DLST: variants seen among roughly 807,000 people sequenced by gnomAD.
DLST encodes dihydrolipoamide S-succinyltransferase.
DLST carries 17 observed loss-of-function variants against 53.1 expected under a neutral mutation model. That is an observed-to-expected ratio of 0.32 (90% confidence interval 0.22 to 0.48). The LOEUF is 0.48. DLST is among the 20% of genes least tolerant of loss of function. DLST has a pLI of 0.99. For missense variants in DLST, 512 were observed against 583.9 expected (o/e 0.88, Z 1.27); for synonymous variants, 206 against 204.8 (o/e 1.01, Z -0.05).
chr14:74,895,151 C>A (rs1018950856), intron 10 of DLST, among the ~76,000 whole-genome samples: 1 of 152,126 alleles, frequency 6.6e-6, no homozygotes, highest in Non-Finnish European at 1.5e-5. Context: ...TGTTTGACCC[C>A]GTCACTTACA....
rs3207445 is a variant in DLST at position 74,902,407 on chromosome 14, G to A, written c.*77G>A. The A allele has an allele frequency of 2.3e-5, 34 of 1,488,220 alleles. No individual in the cohort carries two copies. Among genetic ancestry groups the A allele is most frequent in the Middle Eastern group, 2.6e-4 (1 of 3,910 alleles). 92.2% of individuals were successfully genotyped at this position (1,488,220 alleles called of 1,614,324 possible). A position where few individuals can be genotyped will look rare whatever the true frequency, so the allele number is the denominator to read the frequency against. On this transcript the variant is annotated 3_prime_UTR_variant, in exon 15 of 15. Coordinates refer to ENST00000334220, the MANE Select transcript of DLST (RefSeq NM_001933.5). ...TTCTCCCTGTCCCCTCATGGGTCCC[G>A]GGTTAGCCTGGTGACAGGCAGACAC...
chr14:74,898,038 G>T (rs1387201361), intron 10 of DLST, among the ~76,000 whole-genome samples: 1 of 151,026 alleles, frequency 6.6e-6, no homozygotes, highest in Non-Finnish European at 1.5e-5. Context: ...AGGATGGATA[G>T]CTCAGTTATT....
rs1410534317 is a variant in DLST at position 74,881,946 on chromosome 14, C to T, written c.-8C>T. On this transcript the variant is annotated 5_prime_UTR_variant, in exon 1 of 15. Coordinates refer to ENST00000334220, the MANE Select transcript of DLST (RefSeq NM_001933.5). Reference sequence around the variant, plus strand: ...CGGTGTCCGCCCGCCCTCGGCTCCTCCGCCGTGATGCTGTCCCGATCCCGC... The same window carrying T: ...CGGTGTCCGCCCGCCCTCGGCTCCTTCGCCGTGATGCTGTCCCGATCCCGC... 3 of 1,549,536 alleles carry T rather than the reference C, an allele frequency of 1.9e-6. No homozygotes were observed. Among genetic ancestry groups the T allele is most frequent in the Middle Eastern group, 3.5e-4 (2 of 5,666 alleles).
At chr14:74,892,723 C>T (rs1883951053) in intron 7 of DLST, 111 bp from the exon 8 acceptor site, 3 of 1,054,798 alleles carry the variant, frequency 2.8e-6, no homozygotes, top group South Asian at 3.1e-5. Flanking sequence ...ATTGCTGATA[C>T]CCAGTAGACA....
rs560688236 is a variant in DLST at position 74,888,599 on chromosome 14, C to T, written c.147-496C>T. ...GCATGTGCCTGTAGTCCCAGCTACCCGGGAGGCAGAGGTGGGAGGATCCCT... is the reference window on the plus strand; with the variant it reads ...GCATGTGCCTGTAGTCCCAGCTACCTGGGAGGCAGAGGTGGGAGGATCCCT... On this transcript the variant is annotated intron_variant, in intron 3 of 14. Coordinates refer to ENST00000334220, the MANE Select transcript of DLST (RefSeq NM_001933.5). Among the ~76,000 whole-genome samples the T allele has an allele frequency of 1.9e-4, 29 of 152,068 alleles. No individual in the cohort carries two copies. The South Asian group carries it at 4.8e-3, about 25-fold the overall frequency.
intron 9 of DLST, 90 bp downstream of exon 9, chr14:74,893,514 G>C: frequency 2.2e-6 from 3 of 1,390,898 alleles, no homozygotes; most frequent in Non-Finnish European, 3.1e-6. Flanking sequence ...ACCTTTGAAT[G>C]CCTGGCAGCT....
At position 74,902,651 on chromosome 14, in the gene DLST, T is replaced by C. The variant is rs1426114234; in HGVS notation, c.*321T>C. On this transcript the variant is annotated 3_prime_UTR_variant, in exon 15 of 15. Transcript: ENST00000334220. The stretch of plus-strand genomic sequence containing the variant: ...CAAAGATGATTTTGCTTTTCCCTAG[T>C]GCTGGTATACTATAGAGAAACCCCT... The C allele has an allele frequency of 9.9e-6, 2 of 202,468 alleles. No homozygotes were observed. Among genetic ancestry groups the C allele is most frequent in the Non-Finnish European group, 2.0e-5 (2 of 100,360 alleles). 12.5% of individuals were successfully genotyped at this position (202,468 alleles called of 1,614,324 possible). A position where few individuals can be genotyped will look rare whatever the true frequency, so the allele number is the denominator to read the frequency against.
intron 10 of DLST, among the ~76,000 whole-genome samples, chr14:74,895,510 C>G (rs757664669): frequency 2.0e-5 from 3 of 152,138 alleles, no homozygotes; most frequent in Non-Finnish European, 2.9e-5. Flanking sequence ...AATCCCAGAG[C>G]TTTGGGAGGG....
rs1303086971 is a variant in DLST at position 74,902,354 on chromosome 14, T to C, written c.*24T>C. 1.1e-5 allele frequency: 17 copies of C among 1,593,046 alleles called. No individual in the cohort carries two copies. Among genetic ancestry groups the C allele is most frequent in the African/African-American group, 8.1e-5 (6 of 74,472 alleles). ...AGGAGGAACCCACACACCCTACAAG[T>C]TGATCATGCAGGAACTGAAAACCAG... On this transcript the variant is annotated 3_prime_UTR_variant, in exon 15 of 15. Coordinates refer to ENST00000334220, the MANE Select transcript of DLST (RefSeq NM_001933.5).
intron 14 of DLST, among the ~76,000 whole-genome samples, 192 bp downstream of exon 14, chr14:74,901,425 T>C (rs1884242286): frequency 1.3e-5 from 2 of 152,246 alleles, no homozygotes; most frequent in South Asian, 4.1e-4. Context: ...GAAATGCATA[T>C]TCTTAGACCC....
intron 2 of DLST, among the ~76,000 whole-genome samples, chr14:74,883,294 CAAAAA>C (rs35879783): frequency 1.5e-5 from 1 of 67,272 alleles, no homozygotes. Context: ...GACTCCATCT[CAAAAA>C]AAAAAAAAAA....
rs1232755338 is a variant in DLST, at chr14:74,902,794, T to A, written c.*464T>A. The A allele has an allele frequency of 6.5e-6, 1 of 153,104 alleles. No individual in the cohort carries two copies. The highest frequency in any genetic ancestry group is 2.4e-5 in the African/African-American group (1 of 41,472). The allele number at this position is 153,104 out of a possible 1,614,324, so 9.5% of individuals were successfully genotyped here. A position where few individuals can be genotyped will look rare whatever the true frequency, so the allele number is the denominator to read the frequency against. ...TGTCCTGGCTGTGCACATTCTCCCT[T>A]GATTCCACTTGTGTGGAGGGATTGA... On this transcript the variant is annotated 3_prime_UTR_variant, in exon 15 of 15. Coordinates refer to ENST00000334220, the MANE Select transcript of DLST (RefSeq NM_001933.5).
chr14:74,893,899 A>G (rs993363965), intron 9 of DLST, among the ~76,000 whole-genome samples: 4 of 152,208 alleles, frequency 2.6e-5, no homozygotes, highest in African/African-American at 7.2e-5. Context: ...CTTCCTAAAA[A>G]TATGATAGCC....
chr14:74,886,415 C>T (rs1201018170), intron 3 of DLST, among the ~76,000 whole-genome samples: 2 of 152,210 alleles, frequency 1.3e-5, no homozygotes, highest in Non-Finnish European at 2.9e-5. Context: ...CATCCTCAGC[C>T]TCCTGGGCTC....
At chr14:74,893,324 G>T in intron 8 of DLST, 24 bp from the exon 9 acceptor site, 1 of 1,613,902 alleles carries the variant, frequency 6.2e-7, no homozygotes, top group South Asian at 1.1e-5. Context: ...GTCTGATGCA[G>T]CTTTATCCTC....
chr14:74,885,380 C>T (rs1883666409), intron 2 of DLST, among the ~76,000 whole-genome samples: 1 of 152,184 alleles, frequency 6.6e-6, no homozygotes, highest in Non-Finnish European at 1.5e-5. Flanking sequence ...AACACATACC[C>T]ACTCGATCTC....
intron 13 of DLST, 52 bp downstream of exon 13, chr14:74,900,424 T>G (rs1185358300): frequency 1.9e-6 from 3 of 1,543,996 alleles, no homozygotes; most frequent in Non-Finnish European, 2.7e-6. Context: ...GAAGAGAGCC[T>G]TCAGAAGGCT....
Position 74,902,200 on chromosome 14 carries a change from A to G in DLST, c.1232A>G (p.Glu411Gly). 1 of 1,588,862 alleles carries G rather than the reference A, an allele frequency of 6.3e-7. No individual in the cohort carries two copies. Among genetic ancestry groups the G allele is most frequent in the Non-Finnish European group, 8.6e-7 (1 of 1,164,658 alleles). Residue 411 changes from glutamate (E) to glycine (G), a missense_variant, in exon 15 of 15, where the codon GAG (glutamate) becomes GGG (glycine). This residue lies in a region of DLST where 186 missense variants were observed against 260.4 expected (regional missense o/e 0.71). Transcript: ENST00000334220. ...ATTTACCTTTCCTCTCTGTAGGTAG[A>G]GGTGCGGCCCATGATGTACGTGGCA... ...DRPVAIGGKVEVRPMMYVALT... is the reference protein window; with the variant it reads ...DRPVAIGGKVGVRPMMYVALT...
chr14:74,892,329 C>T (rs137910471), intron 7 of DLST, among the ~76,000 whole-genome samples: 55 of 152,230 alleles, frequency 3.6e-4, no homozygotes, highest in African/African-American at 1.2e-3. Flanking sequence ...GATCCGCCTG[C>T]CTTGGCCTCC....
Sources: gnomAD v4.1 joint callset for allele counts (sites outside exome capture counted in the v4.1 genomes callset) on GRCh38, gnomAD v4.1.1 for gene constraint, gnomAD v4.1.1 regional missense constraint, MANE v1.5 for transcripts, NCBI Gene and HGNC (gene_info 2026-07-23, HGNC 2026-07-21) for gene names.